The following DPP6 variants were observed in gnomAD, a reference collection of about 807,000 sequenced individuals.
The protein encoded by DPP6 is A-type potassium channel modulatory protein DPP6.
In DPP6, 69 loss-of-function variants were observed where a neutral mutation model predicts 122.6. That is an observed-to-expected ratio of 0.56 (90% CI 0.46 to 0.69). The LOEUF is 0.69. Among genes scored for constraint, DPP6 ranks in the 30% least tolerant of loss-of-function variants. The pLI is 0.00. For missense variants in DPP6, 928 were observed against 1,116.9 expected (o/e 0.83, Z 2.41); for synonymous variants, 418 against 433.1 (o/e 0.97, Z 0.43).
At chr7:154,447,384 C>T (rs952736554) in intron 2 of DPP6, among the ~76,000 whole-genome samples, 2 of 151,996 alleles carry the variant, frequency 1.3e-5, no homozygotes, top group Non-Finnish European at 2.9e-5. Context: ...ACTGTTTTAT[C>T]CGTTCTCATG....
chr7:154,168,534 G>A (rs1045751630), intron 1 of DPP6, among the ~76,000 whole-genome samples: 5 of 152,172 alleles, frequency 3.3e-5, no homozygotes, highest in Non-Finnish European at 7.3e-5. Context: ...TGGCTAAGGC[G>A]GTGATGATAA....
At chr7:153,916,101 G>A (rs1800299109) in intron 1 of DPP6, among the ~76,000 whole-genome samples, 1 of 151,040 alleles carries the variant, frequency 6.6e-6, no homozygotes, top group South Asian at 2.1e-4. Flanking sequence ...CGAGTAGCTG[G>A]GACTACAGGC....
At chr7:154,518,942 A>G (rs1416042618) in intron 3 of DPP6, among the ~76,000 whole-genome samples, 1 of 152,164 alleles carries the variant, frequency 6.6e-6, no homozygotes, top group Admixed American at 6.5e-5. Context: ...CTAGGACTCC[A>G]GGTTAGGGAA....
At chr7:154,373,958 G>A (rs1362308336) in intron 1 of DPP6, among the ~76,000 whole-genome samples, 6 of 152,170 alleles carry the variant, frequency 3.9e-5, no homozygotes, top group African/African-American at 1.4e-4. Context: ...CCTTGTTGTA[G>A]CCTGTGTCAG....
At chr7:154,364,493 A>G (rs1811989083) in intron 1 of DPP6, among the ~76,000 whole-genome samples, 1 of 151,992 alleles carries the variant, frequency 6.6e-6, no homozygotes, top group Admixed American at 6.6e-5. Flanking sequence ...AAACTGCTTG[A>G]CGCCTGCCAG....
chr7:153,764,892 G>T, the DPP6 span, among the ~76,000 whole-genome samples: 4 of 152,306 alleles, frequency 2.6e-5, no homozygotes, highest in South Asian at 8.3e-4. Flanking sequence ...GATTTTTCCA[G>T]GTGGGGTCTA....
At chr7:154,688,002 T>C (rs1563105162) in intron 7 of DPP6, among the ~76,000 whole-genome samples, 1 of 152,196 alleles carries the variant, frequency 6.6e-6, no homozygotes, top group African/African-American at 2.4e-5. Context: ...GCTTTCAGAC[T>C]CTCCACTGTG....
intron 1 of DPP6, among the ~76,000 whole-genome samples, chr7:154,020,620 C>G (rs932987750): frequency 1.3e-5 from 2 of 152,192 alleles, no homozygotes; most frequent in African/African-American, 4.8e-5. Flanking sequence ...TGACTTGTCT[C>G]TAGCATGATG....
At chr7:154,248,868 GAA>G (rs542936174) in intron 1 of DPP6, among the ~76,000 whole-genome samples, 1 of 140,906 alleles carries the variant, frequency 7.1e-6, no homozygotes. Context: ...TCCGTCTCAG[GAA>G]AAAAAAAAAA....
chr7:154,116,591 G>A (rs1807003025), intron 1 of DPP6, among the ~76,000 whole-genome samples: 1 of 152,198 alleles, frequency 6.6e-6, no homozygotes, highest in Non-Finnish European at 1.5e-5. Flanking sequence ...TTTTCTCAGT[G>A]TGTGTTCGAG....
upstream of DPP6, among the ~76,000 whole-genome samples, chr7:154,051,700 C>A (rs1800331774): frequency 1.3e-5 from 2 of 151,108 alleles, no homozygotes. Context: ...AGAATGGAGT[C>A]GCGGTCACAG....
At chr7:153,785,905 T>TC in the DPP6 span, among the ~76,000 whole-genome samples, 1 of 151,030 alleles carries the variant, frequency 6.6e-6, no homozygotes, top group African/African-American at 2.5e-5. Context: ...TTTTTTTTTT[T>TC]CTATCTTCAG....
At chr7:154,086,272 G>C (rs1483977469) in intron 1 of DPP6, among the ~76,000 whole-genome samples, 2 of 148,716 alleles carry the variant, frequency 1.3e-5, no homozygotes, top group Non-Finnish European at 3.0e-5. Context: ...AAACTTTCTA[G>C]ACACAGGAGC....
At chr7:154,371,437 A>C (rs1380388837) in intron 1 of DPP6, among the ~76,000 whole-genome samples, 1 of 151,932 alleles carries the variant, frequency 6.6e-6, no homozygotes, top group African/African-American at 2.4e-5. Context: ...AAAAACAAAC[A>C]AAAAAATGTT....
In DPP6 at chr7:154,581,847, C is replaced by T. The variant is rs750981395; in HGVS notation, c.627+14931C>T. ...ACTCTCTCATATCCCCGGAATGTCC[C>T]GGGGTTACCGAAAAGGCCCCATTCT... On this transcript the variant is annotated intron_variant, in intron 5 of 25. Transcript: ENST00000377770. 1.6e-4 allele frequency among the ~76,000 whole-genome samples: 25 copies of T among 152,176 alleles called. 1 individual carries two copies. Among genetic ancestry groups the T allele is most frequent in the South Asian group, 4.1e-4 (2 of 4,836 alleles).
intron 1 of DPP6, among the ~76,000 whole-genome samples, chr7:153,933,250 A>G (rs1317077995): frequency 6.6e-6 from 1 of 152,054 alleles, no homozygotes; most frequent in Non-Finnish European, 1.5e-5. Context: ...CTAAAATTGC[A>G]TTTGGCTTTA....
At chr7:154,406,840 A>G (rs949254319) in intron 1 of DPP6, among the ~76,000 whole-genome samples, 7 of 152,170 alleles carry the variant, frequency 4.6e-5, no homozygotes, top group African/African-American at 1.7e-4. Context: ...GAATGCCAAG[A>G]TAGAGTATAT....
In DPP6 at chr7:154,341,106, A is replaced by G. The variant is rs550777694; in HGVS notation, c.244-105108A>G. Among the ~76,000 whole-genome samples the G allele has an allele frequency of 1.1e-4, 16 of 152,334 alleles. No individual in the cohort carries two copies. In the East Asian group the frequency reaches 3.1e-3, roughly 29 times the overall value. ...TATGCTTGTAATCAATCACACTTAAATATCATGCAATCCAAATGCTAACAA... is the reference window on the plus strand; with the variant it reads ...TATGCTTGTAATCAATCACACTTAAGTATCATGCAATCCAAATGCTAACAA... On this transcript the variant is annotated intron_variant, in intron 1 of 25. Coordinates refer to ENST00000377770, the MANE Select transcript of DPP6 (RefSeq NM_130797.4).
At chr7:154,704,767 T>G (rs1487352028) in intron 7 of DPP6, among the ~76,000 whole-genome samples, 1 of 152,194 alleles carries the variant, frequency 6.6e-6, no homozygotes, top group Non-Finnish European at 1.5e-5. Flanking sequence ...TACAGCAGAG[T>G]ATAAACATAA....
Sources: allele counts gnomAD v4.1 joint callset (sites outside exome capture counted in the v4.1 genomes callset), GRCh38; gene constraint gnomAD v4.1.1; transcripts MANE v1.5; gene names NCBI Gene and HGNC (gene_info 2026-07-23, HGNC 2026-07-21).